Variants in DSCAML1 observed in about 807,000 individuals in gnomAD.
DSCAML1 encodes the protein cell adhesion molecule DSCAML1.
DSCAML1 carries 38 observed loss-of-function variants against 200.5 expected under a neutral mutation model. That is an observed-to-expected ratio of 0.19 (90% CI 0.15 to 0.25). The LOEUF (loss-of-function observed/expected upper bound fraction) is 0.25, where lower values mean the gene tolerates loss of function less well. Ranked by LOEUF, DSCAML1 falls within the 10% of genes least tolerant of loss-of-function variation. DSCAML1 has a pLI of 1.00. For missense variants in DSCAML1, 2,223 were observed against 2,858.8 expected (o/e 0.78, Z 5.07); for synonymous variants, 1,215 against 1,165.0 (o/e 1.04, Z -0.87).
Position 117,780,893 on chromosome 11 carries a change from G to T in DSCAML1, c.47-83C>A. The T allele has an allele frequency of 8.7e-7, 1 of 1,143,160 alleles. No individual in the cohort carries two copies. The highest frequency in any genetic ancestry group is 1.2e-6 in the Non-Finnish European group (1 of 866,362). The allele number at this position is 1,143,160 out of a possible 1,614,324, so 70.8% of individuals were successfully genotyped here. The stretch of plus-strand genomic sequence containing the variant: ...AAGCCACGGAGGCTTGCGACAGGCT[G>T]CACTCATTCACCTGACCTTCAAGCA... On this transcript the variant is annotated intron_variant, in intron 1 of 32. Transcript: ENST00000651296. This position sits in a 1 kb window ranked among gnomAD's most constrained non-coding sequence, Gnocchi z 4.8.
At chr11:117,488,984 C>G (rs939016554) in intron 11 of DSCAML1, among the ~76,000 whole-genome samples, 1 of 152,266 alleles carries the variant, frequency 6.6e-6, no homozygotes, top group Non-Finnish European at 1.5e-5. Context: ...CTGGATGCCT[C>G]TGCCTTTTGG....
chr11:117,580,848 G>A (rs2051026072), intron 3 of DSCAML1, among the ~76,000 whole-genome samples: 1 of 152,124 alleles, frequency 6.6e-6, no homozygotes, highest in Non-Finnish European at 1.5e-5. Context: ...TTATTAATGG[G>A]AACCTTGAAC....
At chr11:117,430,671 TGGGGCCA>T (rs1692547898) in intron 32 of DSCAML1, 44 bp downstream of exon 32, 3 of 1,511,720 alleles carry the variant, frequency 2.0e-6, no homozygotes, top group Non-Finnish European at 2.7e-6. Context: ...CTCATGGGGC[TGGGGCCA>T]GGGGGCGGGG....
At chr11:117,700,235 C>T (rs1319939293) in intron 3 of DSCAML1, among the ~76,000 whole-genome samples, 1 of 152,208 alleles carries the variant, frequency 6.6e-6, no homozygotes, top group East Asian at 1.9e-4. Flanking sequence ...TAAATCTTTT[C>T]AAGTCTATCT....
intron 3 of DSCAML1, among the ~76,000 whole-genome samples, chr11:117,683,135 T>C (rs1322269525): frequency 6.6e-6 from 1 of 152,254 alleles, no homozygotes; most frequent in Admixed American, 6.5e-5. Context: ...TTTGTTTGAC[T>C]AATTTGTATC....
chr11:117,624,971 C>A (rs1196264939), intron 3 of DSCAML1, among the ~76,000 whole-genome samples: 3 of 152,156 alleles, frequency 2.0e-5, no homozygotes, highest in Non-Finnish European at 4.4e-5. Flanking sequence ...TCAAAACCCA[C>A]CCATGCCTGG....
At chr11:117,637,144 A>G (rs1002783776) in intron 3 of DSCAML1, among the ~76,000 whole-genome samples, 2 of 152,026 alleles carry the variant, frequency 1.3e-5, no homozygotes, top group Non-Finnish European at 2.9e-5. Context: ...CTTGCCTCCA[A>G]GGAGCCTTCC....
intron 3 of DSCAML1, among the ~76,000 whole-genome samples, chr11:117,575,619 T>A (rs2050918015): frequency 6.6e-6 from 1 of 152,010 alleles, no homozygotes; most frequent in Non-Finnish European, 1.5e-5. Context: ...TAAGTCAGGG[T>A]CTTTCAAATA....
chr11:117,434,300 ATCTG>A, intron 27 of DSCAML1, among the ~76,000 whole-genome samples: 1 of 152,090 alleles, frequency 6.6e-6, no homozygotes, highest in South Asian at 2.1e-4. Context: ...TCAACCATCC[ATCTG>A]TCTATCCATC....
chr11:117,716,602 C>G (rs1352290574), intron 3 of DSCAML1, among the ~76,000 whole-genome samples: 1 of 152,148 alleles, frequency 6.6e-6, no homozygotes, highest in Non-Finnish European at 1.5e-5. Context: ...AAATGCCAAC[C>G]AACTCTAAGA....
In DSCAML1 at chr11:117,797,086, A is replaced by G; in HGVS notation, c.-7T>C. On this transcript the variant is annotated 5_prime_UTR_variant, in exon 1 of 33. Transcript: ENST00000651296. Reference sequence around the variant, plus strand: ...GGAAAGTTACCAGCCACATGCCATAAAGAGGCCCTATTCTCCGGGGAGGTG... The same window carrying G: ...GGAAAGTTACCAGCCACATGCCATAGAGAGGCCCTATTCTCCGGGGAGGTG... 1 of 1,583,920 alleles carries G rather than the reference A, an allele frequency of 6.3e-7. No individual in the cohort carries two copies. The highest frequency in any genetic ancestry group is 8.6e-7 in the Non-Finnish European group (1 of 1,165,936).
In DSCAML1 at chr11:117,498,706, G is replaced by A. The variant is rs1415219328; in HGVS notation, c.2359+5139C>T. Reference sequence around the variant, plus strand: ...CCACGGAGGCCCGAGGGCTTCCTTTGCTAGGCCCGCCCCCTCCATTTCTCA... The same window carrying A: ...CCACGGAGGCCCGAGGGCTTCCTTTACTAGGCCCGCCCCCTCCATTTCTCA... On this transcript the variant is annotated intron_variant, in intron 11 of 32. Coordinates refer to ENST00000651296, the MANE Select transcript of DSCAML1 (RefSeq NM_020693.4). This position sits in a 1 kb window ranked among gnomAD's most constrained non-coding sequence, Gnocchi z 4.0. Among the ~76,000 whole-genome samples, 1 of 152,300 alleles carries A rather than the reference G, an allele frequency of 6.6e-6. No individual in the cohort carries two copies. The highest frequency in any genetic ancestry group is 2.1e-4 in the South Asian group (1 of 4,822).
chr11:117,736,296 G>T (rs1016104703), intron 3 of DSCAML1, among the ~76,000 whole-genome samples: 1 of 152,188 alleles, frequency 6.6e-6, no homozygotes, highest in Non-Finnish European at 1.5e-5. Context: ...TCTTCTGGCC[G>T]TTGGCTGGAG....
At chr11:117,557,706 C>G (rs550045389) in intron 3 of DSCAML1, among the ~76,000 whole-genome samples, 1 of 152,240 alleles carries the variant, frequency 6.6e-6, no homozygotes, top group East Asian at 1.9e-4. Flanking sequence ...TGCCACTTGG[C>G]TGTGGGGTGA....
At chr11:117,614,967 C>T (rs138469612) in intron 3 of DSCAML1, among the ~76,000 whole-genome samples, 20 of 152,274 alleles carry the variant, frequency 1.3e-4, no homozygotes, top group African/African-American at 4.8e-4. Context: ...ACCTCTGATG[C>T]CAATAGATAA....
At chr11:117,682,943 A>G in intron 3 of DSCAML1, among the ~76,000 whole-genome samples, 1 of 152,176 alleles carries the variant, frequency 6.6e-6, no homozygotes, top group African/African-American at 2.4e-5. Context: ...TAAACAGCTG[A>G]AAGAGAAATC....
intron 3 of DSCAML1, among the ~76,000 whole-genome samples, chr11:117,694,083 A>ATC (rs57131487): frequency 6.9e-5 from 1 of 14,434 alleles, no homozygotes; most frequent in Non-Finnish European, 2.1e-4. Flanking sequence ...ATATATACAC[A>ATC]TATATATATA....
chr11:117,796,959 G>C, intron 1 of DSCAML1, 75 bp downstream of exon 1: 1 of 1,145,072 alleles, frequency 8.7e-7, no homozygotes, highest in South Asian at 3.6e-5. Context: ...AGCCCGCCGG[G>C]CACCCCGCCT....
chr11:117,482,751 A>T (rs1422958091), intron 11 of DSCAML1, among the ~76,000 whole-genome samples: 1 of 152,294 alleles, frequency 6.6e-6, no homozygotes, highest in South Asian at 2.1e-4. Context: ...GGAATACTAA[A>T]TTTCAGTTAG....
Sources: allele counts gnomAD v4.1 joint callset (sites outside exome capture counted in the v4.1 genomes callset), GRCh38; gene constraint gnomAD v4.1.1; non-coding constraint Gnocchi (gnomAD v3.1); transcripts MANE v1.5; gene names NCBI Gene and HGNC (gene_info 2026-07-23, HGNC 2026-07-21).